Variants in AKR1E2 observed in about 807,000 individuals in gnomAD.
AKR1E2 encodes the protein aldo-keto reductase family 1 member E2.
Under a neutral mutation model 41.9 loss-of-function variants are expected in AKR1E2, and 43 were observed. The observed-to-expected ratio is 1.03, with a 90% CI of 0.80 to 1.32. The LOEUF (loss-of-function observed/expected upper bound fraction) is 1.32, where lower values mean the gene tolerates loss of function less well. Among genes scored for constraint, AKR1E2 ranks in the 40% most tolerant of loss-of-function variants. The pLI, the probability that AKR1E2 is intolerant of heterozygous loss-of-function variation, is 0.00. For synonymous variants in AKR1E2, 121 were observed against 138.9 expected (o/e 0.87, Z 0.91); for missense variants, 423 against 396.5 (o/e 1.07, Z -0.57).
chr10:4,860,140 T>G, the AKR1E2 span, among the ~76,000 whole-genome samples: 1 of 152,220 alleles, frequency 6.6e-6, no homozygotes, highest in Non-Finnish European at 1.5e-5. Flanking sequence ...TGGCAAGGCC[T>G]ACACTATCCC....
intron 8 of AKR1E2, 29 bp downstream of exon 8, chr10:4,842,533 G>A: frequency 6.2e-7 from 1 of 1,603,026 alleles, no homozygotes; most frequent in Non-Finnish European, 8.5e-7. Flanking sequence ...TTATTTGGCG[G>A]GTTTCAGATC....
chr10:4,831,818 C>A (rs970885051), intron 2 of AKR1E2, among the ~76,000 whole-genome samples: 2 of 152,202 alleles, frequency 1.3e-5, no homozygotes, highest in Admixed American at 6.5e-5. Flanking sequence ...GACAGAGGAG[C>A]CCTGTTTCAT....
At chr10:4,862,517 TG>T in the AKR1E2 span, among the ~76,000 whole-genome samples, 1 of 152,218 alleles carries the variant, frequency 6.6e-6, no homozygotes, top group African/African-American at 2.4e-5. Context: ...TAAATTACCT[TG>T]GGCAGTATGG....
chr10:4,837,435 C>A, intron 4 of AKR1E2, 24 bp from the exon 5 acceptor site: 1 of 1,611,836 alleles, frequency 6.2e-7, no homozygotes, highest in African/African-American at 1.3e-5. Context: ...AAGCTTCACA[C>A]CCAGCAGAGT....
chr10:4,831,515 A>G (rs1211695741), intron 2 of AKR1E2, among the ~76,000 whole-genome samples: 1 of 152,226 alleles, frequency 6.6e-6, no homozygotes, highest in African/African-American at 2.4e-5. Flanking sequence ...ACTGCCGTTT[A>G]TAAAACCATC....
At chr10:4,845,922 T>A in intron 8 of AKR1E2, 1 of 459,284 alleles carries the variant, frequency 2.2e-6, no homozygotes, top group Admixed American at 2.4e-5. Flanking sequence ...AGGAAGTGCT[T>A]ATGCTGTCAG....
Position 4,827,608 on chromosome 10 carries a change from A to T in AKR1E2, c.39+1245A>T, listed in dbSNP as rs553956312. On this transcript the variant is annotated intron_variant, in intron 1 of 9. Coordinates refer to ENST00000298375, the MANE Select transcript of AKR1E2 (RefSeq NM_001040177.3). ...AAGCGTTTAAAATTTGATCTTTAAAAAAAAAAAGCTAAACTTAGTTGTTGA... is the reference window on the plus strand; with the variant it reads ...AAGCGTTTAAAATTTGATCTTTAAATAAAAAAAGCTAAACTTAGTTGTTGA... Among the ~76,000 whole-genome samples, 4 of 152,336 alleles carry T rather than the reference A, an allele frequency of 2.6e-5. No homozygotes were observed. In the South Asian group the frequency reaches 8.3e-4, roughly 32 times the overall value.
At chr10:4,859,825 G>A in the AKR1E2 span, among the ~76,000 whole-genome samples, 1 of 152,138 alleles carries the variant, frequency 6.6e-6, no homozygotes, top group Non-Finnish European at 1.5e-5. Context: ...GTCAGCAGTG[G>A]CTCTGTGTAA....
At chr10:4,827,835 G>A (rs1054406721) in intron 1 of AKR1E2, among the ~76,000 whole-genome samples, 1 of 152,120 alleles carries the variant, frequency 6.6e-6, no homozygotes, top group Non-Finnish European at 1.5e-5. Context: ...GTAAGCACTC[G>A]ATGGATTAAA....
At chr10:4,835,540 A>AC in intron 3 of AKR1E2, 135 bp from the exon 4 acceptor site, 1 of 1,110,606 alleles carries the variant, frequency 9.0e-7, no homozygotes, top group Non-Finnish European at 1.2e-6. Context: ...AAAGGTGAAG[A>AC]CTGGGCCTGG....
chr10:4,839,814 T>C lies in AKR1E2; in HGVS notation c.668T>C (p.Leu223Pro), dbSNP rs1833729162. ...GTGTCCGTGACTGCTTACCGTCCTC[T>C]TGGTGGCTCGTGGTAAGGATACCTC... ...RDVSVTAYRP[L>P]GGSCEGVDLI... The change falls in exon 6 of 10, where the codon CTT (leucine) becomes CCT (proline). Residue 223 changes from leucine (L) to proline (P), a missense_variant. By Grantham distance (98) the Leu-to-Pro change is moderately conservative (BLOSUM62 -3). Transcript: ENST00000298375. 1 of 1,614,002 alleles carries C rather than the reference T, an allele frequency of 6.2e-7. No homozygotes were observed. Among genetic ancestry groups the C allele is most frequent in the Admixed American group, 1.7e-5 (1 of 60,002 alleles).
chr10:4,826,332 A>G lies in AKR1E2; in HGVS notation c.8A>G (p.Asp3Gly). MG[D>G]IPAVGLSSWK... Reference sequence around the variant, plus strand: ...GGGCGGCCGGCGGCGGCCATGGGAGATATCCCAGCCGTGGGCCTCAGCTCC... The same window carrying G: ...GGGCGGCCGGCGGCGGCCATGGGAGGTATCCCAGCCGTGGGCCTCAGCTCC... Residue 3 changes from aspartate to glycine, a missense_variant, in exon 1 of 10, where the codon GAT becomes GGT. Coordinates refer to ENST00000298375, the MANE Select transcript of AKR1E2 (RefSeq NM_001040177.3). The G allele has an allele frequency of 8.1e-7, 1 of 1,234,382 alleles. No homozygotes were observed. Among genetic ancestry groups the G allele is most frequent in the Non-Finnish European group, 1.0e-6 (1 of 987,504 alleles). 76.5% of individuals were successfully genotyped at this position (1,234,382 alleles called of 1,614,324 possible).
At chr10:4,842,184 T>TG (rs950260079) in intron 7 of AKR1E2, among the ~76,000 whole-genome samples, 1 of 152,048 alleles carries the variant, frequency 6.6e-6, no homozygotes, top group Non-Finnish European at 1.5e-5. Context: ...TAATGTCCAG[T>TG]GGGGGGCTGG....
downstream of AKR1E2, among the ~76,000 whole-genome samples, chr10:4,849,456 C>T (rs1834481389): frequency 6.6e-6 from 1 of 152,254 alleles, no homozygotes; most frequent in African/African-American, 2.4e-5. Context: ...CTCTTGTGAA[C>T]ACATGCGTGT....
At chr10:4,834,222 C>G (rs1277751611) in intron 3 of AKR1E2, among the ~76,000 whole-genome samples, 1 of 152,250 alleles carries the variant, frequency 6.6e-6, no homozygotes, top group Non-Finnish European at 1.5e-5. Context: ...TGCTGCTCAG[C>G]AGTCTTCTAC....
chr10:4,841,847 C>T lies in AKR1E2; in HGVS notation c.743C>T (p.Ser248Phe), dbSNP rs142685834. ...IKRIAKEHGK[S>F]PAQILIRFQI... ...AGGATTGCAAAGGAGCACGGCAAGT[C>T]TCCTGCTCAGGTAGGGAGGGAGGGC... is the stretch of plus-strand genomic sequence containing the variant. The change falls in exon 7 of 10, where the codon TCT becomes TTT. Residue 248 changes from serine (S) to phenylalanine (F), a missense_variant. Transcript: ENST00000298375. The T allele has an allele frequency of 1.2e-6, 2 of 1,613,504 alleles. No individual in the cohort carries two copies. Among genetic ancestry groups the T allele is most frequent in the Admixed American group, 1.7e-5 (1 of 59,956 alleles).
Position 4,833,331 on chromosome 10 carries a change from G to A in AKR1E2, c.208-19G>A, listed in dbSNP as rs1300945604. Reference sequence around the variant, plus strand: ...GCTCTGGGTGGGCACGTGTGACGCTGGTCCCCTCTCCTTTGTAGCTGTGGT... The same window carrying A: ...GCTCTGGGTGGGCACGTGTGACGCTAGTCCCCTCTCCTTTGTAGCTGTGGT... On this transcript the variant is annotated intron_variant, in intron 2 of 9. Transcript: ENST00000298375. 1.9e-6 allele frequency: 3 copies of A among 1,601,298 alleles called. No homozygotes were observed. The highest frequency in any genetic ancestry group is 2.6e-6 in the Non-Finnish European group (3 of 1,168,454).
chr10:4,830,989 A>T (rs917684441), intron 2 of AKR1E2, 147 bp downstream of exon 2: 4 of 1,059,350 alleles, frequency 3.8e-6, no homozygotes, highest in Non-Finnish European at 5.4e-6. Context: ...AGCATGCTGA[A>T]TTATATTGTG....
chr10:4,830,708 G>A lies in AKR1E2; in HGVS notation c.73G>A (p.Glu25Lys). Residue 25 changes from glutamate (E) to lysine (K), a missense_variant, in exon 2 of 10, where the codon GAG becomes AAG. Physicochemically the swap from Glu to Lys is moderately conservative, Grantham distance 56. Coordinates refer to ENST00000298375, the MANE Select transcript of AKR1E2 (RefSeq NM_001040177.3). ...AGGGAAAGTGACCGAGGCAGTGAAAGAGGCCATTGACGCAGGGTACCGGCA... is the reference window on the plus strand; with the variant it reads ...AGGGAAAGTGACCGAGGCAGTGAAAAAGGCCATTGACGCAGGGTACCGGCA... ...SPGKVTEAVK[E>K]AIDAGYRHFD... 1 of 1,614,132 alleles carries A rather than the reference G, an allele frequency of 6.2e-7. No homozygotes were observed. The highest frequency in any genetic ancestry group is 8.5e-7 in the Non-Finnish European group (1 of 1,180,002).
Sources: gnomAD v4.1 joint callset for allele counts (sites outside exome capture counted in the v4.1 genomes callset) on GRCh38, gnomAD v4.1.1 for gene constraint, MANE v1.5 for transcripts, NCBI Gene and HGNC (gene_info 2026-07-23, HGNC 2026-07-21) for gene names.